Variants in EXOC4 observed in about 807,000 individuals in gnomAD.
EXOC4 encodes exocyst complex component 4, also known as SEC8-like 1.
In EXOC4, 71 loss-of-function variants were observed where a neutral mutation model predicts 107.2. The ratio of observed to expected loss-of-function variants is 0.66; its 90% CI spans 0.55 to 0.81. The LOEUF (loss-of-function observed/expected upper bound fraction) is 0.81. Ranked by LOEUF, EXOC4 falls within the 30% of genes least tolerant of loss-of-function variation. EXOC4 has a pLI of 0.00. For synonymous variants in EXOC4, 456 were observed against 441.2 expected, an observed-to-expected ratio of 1.03 and a Z score of -0.42; for missense variants, 1,108 against 1,189.6, an observed-to-expected ratio of 0.93 and a Z score of 1.01.
In EXOC4 at chr7:133,451,507, T is replaced by A. The variant is rs1048454991; in HGVS notation, c.1183-23821T>A. On this transcript the variant is annotated intron_variant, in intron 7 of 17. Transcript: ENST00000253861. Reference sequence around the variant, plus strand: ...TTTACTAATATTTTATTTGTTAATATGAGAAAATTATTTCTCTTGTATTCC... The same window carrying A: ...TTTACTAATATTTTATTTGTTAATAAGAGAAAATTATTTCTCTTGTATTCC... Among the ~76,000 whole-genome samples the A allele has an allele frequency of 1.6e-3, 245 of 151,970 alleles. 1 individual carries two copies. The highest frequency in any genetic ancestry group is 5.6e-3 in the African/African-American group (231 of 41,456).
rs1393641876 is a variant in EXOC4 at position 133,896,649 on chromosome 7, A to AT, written c.1871+917dup. Among the ~76,000 whole-genome samples, 1,088 of 149,974 alleles carry AT rather than the reference A, an allele frequency of 7.3e-3. 14 individuals carry two copies. The highest frequency in any genetic ancestry group is 0.026 in the African/African-American group (1,043 of 40,598). On this transcript the variant is annotated intron_variant, in intron 12 of 17. Transcript: ENST00000253861. The stretch of plus-strand genomic sequence containing the variant: ...AGACAGTTGCCCCCTATTTTATTTT[A>AT]TTTATTTTATTTATTTATTTATTCA...
At chr7:133,876,245 TG>T (rs1173622465) in intron 11 of EXOC4, among the ~76,000 whole-genome samples, 2 of 151,992 alleles carry the variant, frequency 1.3e-5, no homozygotes, top group African/African-American at 4.8e-5. Flanking sequence ...TGTGTGTGTG[TG>T]TGTGTGTGTG....
chr7:133,680,627 G>C (rs1794166340), intron 10 of EXOC4, among the ~76,000 whole-genome samples: 1 of 152,190 alleles, frequency 6.6e-6, no homozygotes, highest in Non-Finnish European at 1.5e-5. Context: ...TGAATTTCTA[G>C]CAAGAAGCGA....
intron 10 of EXOC4, among the ~76,000 whole-genome samples, chr7:133,752,486 C>T (rs540493779): frequency 3.9e-5 from 6 of 152,220 alleles, no homozygotes; most frequent in African/African-American, 1.4e-4. Flanking sequence ...CTTATTTGTT[C>T]TTTCATTGAT....
chr7:133,261,752 G>A (rs1456596818), intron 1 of EXOC4, among the ~76,000 whole-genome samples: 3 of 152,154 alleles, frequency 2.0e-5, no homozygotes, highest in Non-Finnish European at 2.9e-5. Context: ...TCACTACTGT[G>A]ACAAAATTCT....
At chr7:133,697,805 A>C (rs766146113) in intron 10 of EXOC4, among the ~76,000 whole-genome samples, 5 of 152,186 alleles carry the variant, frequency 3.3e-5, no homozygotes, top group South Asian at 2.1e-4. Context: ...CCACTGTTGA[A>C]GGCATGCCAG....
intron 1 of EXOC4, chr7:133,254,098 A>G (rs915408985): frequency 6.6e-6 from 1 of 152,094 alleles, no homozygotes; most frequent in African/African-American, 2.4e-5. Flanking sequence ...GAGTTCTTGC[A>G]AGTTTTCTGG....
intron 10 of EXOC4, among the ~76,000 whole-genome samples, chr7:133,774,684 T>C (rs1025374754): frequency 6.6e-6 from 1 of 152,134 alleles, no homozygotes; most frequent in African/African-American, 2.4e-5. Context: ...TATTATAGTA[T>C]ATGGTCCTTA....
chr7:133,590,429 C>T (rs1009335108), intron 9 of EXOC4, among the ~76,000 whole-genome samples: 2 of 152,038 alleles, frequency 1.3e-5, no homozygotes, highest in African/African-American at 4.8e-5. Context: ...GGCAAAGGCT[C>T]CACCCTCAAG....
intron 1 of EXOC4, 140 bp downstream of exon 1, chr7:133,253,327 C>T: frequency 7.0e-7 from 1 of 1,421,910 alleles, no homozygotes; most frequent in South Asian, 1.6e-5. Flanking sequence ...AGGGCTCTAA[C>T]CCCTCCCCAG....
chr7:134,074,607 A>T, the EXOC4 span, among the ~76,000 whole-genome samples: 1 of 152,184 alleles, frequency 6.6e-6, no homozygotes, highest in African/African-American at 2.4e-5. Context: ...GAGAGTGGGG[A>T]TGCCTAGTTC....
intron 3 of EXOC4, among the ~76,000 whole-genome samples, chr7:133,298,197 A>G (rs1794560985): frequency 6.6e-6 from 1 of 152,214 alleles, no homozygotes; most frequent in African/African-American, 2.4e-5. Flanking sequence ...AGCTCTTGAA[A>G]TGAAAAACGC....
rs147625262 is a variant in EXOC4 at position 133,631,123 on chromosome 7, A to G, written c.1514+982A>G. 3.0e-4 allele frequency among the ~76,000 whole-genome samples: 46 copies of G among 152,270 alleles called. 1 individual carries two copies. The highest frequency in any genetic ancestry group is 1.1e-3 in the African/African-American group (46 of 41,578). On this transcript the variant is annotated intron_variant, in intron 10 of 17. Coordinates refer to ENST00000253861, the MANE Select transcript of EXOC4 (RefSeq NM_021807.4). ...CTTTTGGGATCCAGATATCTAATATATCAATTGTGTGTTTTCTCTGTAAAG... is the reference window on the plus strand; with the variant it reads ...CTTTTGGGATCCAGATATCTAATATGTCAATTGTGTGTTTTCTCTGTAAAG...
intron 10 of EXOC4, among the ~76,000 whole-genome samples, chr7:133,636,621 GGAT>G (rs1432419988): frequency 8.5e-5 from 13 of 152,144 alleles, no homozygotes; most frequent in Non-Finnish European, 8.8e-5. Flanking sequence ...GGGGACATGG[GGAT>G]GATGATGCCA....
At chr7:133,982,477 G>A (rs532404814) in intron 14 of EXOC4, among the ~76,000 whole-genome samples, 37 of 152,186 alleles carry the variant, frequency 2.4e-4, no homozygotes, top group Non-Finnish European at 4.3e-4. Flanking sequence ...GCATGAACCC[G>A]GGAGGTGGAG....
At chr7:133,598,952 C>G (rs1801745171) in intron 9 of EXOC4, among the ~76,000 whole-genome samples, 1 of 152,016 alleles carries the variant, frequency 6.6e-6, no homozygotes. Flanking sequence ...CCACTGCATT[C>G]CAGCCTGGGC....
intron 17 of EXOC4, among the ~76,000 whole-genome samples, chr7:134,044,657 C>T (rs928071497): frequency 1.1e-4 from 17 of 152,162 alleles, no homozygotes; most frequent in Admixed American, 1.1e-3. Flanking sequence ...CAAGGCATCT[C>T]CTCCTTCGCT....
At chr7:133,986,245 T>A (rs1281635201) in intron 14 of EXOC4, among the ~76,000 whole-genome samples, 1 of 152,206 alleles carries the variant, frequency 6.6e-6, no homozygotes, top group African/African-American at 2.4e-5. Context: ...GAGGTAGTTA[T>A]TACTTGGAGG....
chr7:133,749,633 A>G (rs1795749677), intron 10 of EXOC4, among the ~76,000 whole-genome samples: 1 of 152,134 alleles, frequency 6.6e-6, no homozygotes, highest in African/African-American at 2.4e-5. Flanking sequence ...ACCTCAGGTG[A>G]TCCACCCACT....
Sources: gnomAD v4.1 joint callset for allele counts (sites outside exome capture counted in the v4.1 genomes callset) on GRCh38, gnomAD v4.1.1 for gene constraint, MANE v1.5 for transcripts, NCBI Gene and HGNC (gene_info 2026-07-23, HGNC 2026-07-21) for gene names.